MED16: variants seen among roughly 807,000 people sequenced by gnomAD.
The protein encoded by MED16 is mediator of RNA polymerase II transcription subunit 16.
In MED16, 81 loss-of-function variants were observed where a neutral mutation model predicts 84.4. That is an observed-to-expected ratio of 0.96 (90% CI 0.80 to 1.15). The LOEUF is 1.15. MED16 is among the 50% of genes most tolerant of loss of function. The pLI, the probability that MED16 is intolerant of heterozygous loss-of-function variation, is 0.00. For missense variants in MED16, 1,585 were observed against 1,245.9 expected, an observed-to-expected ratio of 1.27 and a Z score of -4.10; for synonymous variants, 897 against 552.2, an observed-to-expected ratio of 1.62 and a Z score of -8.76.
rs541275854 is a variant in MED16 at position 868,737 on chromosome 19, C to T, written c.2399+126G>A. The T allele has an allele frequency of 4.7e-4, 540 of 1,157,208 alleles. 11 individuals carry two copies. In the South Asian group the frequency reaches 7.6e-3, roughly 16 times the overall value. 71.7% of individuals were successfully genotyped at this position (1,157,208 alleles called of 1,614,324 possible). On this transcript the variant is annotated intron_variant, in intron 14 of 15. Coordinates refer to ENST00000325464, the MANE Select transcript of MED16 (RefSeq NM_005481.3). The stretch of plus-strand genomic sequence containing the variant: ...CCACATCCTGGGATCCTGGCTCCAA[C>T]ACTCCCTCTGGGACGTGCTCCCTCC...
At chr19:869,699 GGGCCTT>G (rs1458794735) in intron 13 of MED16, among the ~76,000 whole-genome samples, 2 of 152,268 alleles carry the variant, frequency 1.3e-5, no homozygotes, top group East Asian at 3.9e-4. Context: ...AGCCGAGCCG[GGGCCTT>G]CCCCGGAGCA....
Position 885,728 on chromosome 19 carries a change from T to C in MED16, c.879+42A>G. 3 of 1,587,362 alleles carry C rather than the reference T, an allele frequency of 1.9e-6. No homozygotes were observed. In the African/African-American group the frequency reaches 4.0e-5, roughly 21 times the overall value. On this transcript the variant is annotated intron_variant, in intron 5 of 15. Transcript: ENST00000325464. Reference sequence around the variant, plus strand: ...CAGGACCCTGAGAAGCAGTGCTTCATTCCAAGCCTGCCAGCCCACGTGATG... The same window carrying C: ...CAGGACCCTGAGAAGCAGTGCTTCACTCCAAGCCTGCCAGCCCACGTGATG...
At chr19:891,303 C>G (rs528497711) in intron 1 of MED16, among the ~76,000 whole-genome samples, 154 bp from the exon 2 acceptor site, 2 of 152,212 alleles carry the variant, frequency 1.3e-5, no homozygotes, top group South Asian at 4.1e-4. Flanking sequence ...GGGCTGGGGC[C>G]GAGGGGGAAC....
At chr19:888,807 G>T (rs944153690) in intron 4 of MED16, among the ~76,000 whole-genome samples, 25 of 152,174 alleles carry the variant, frequency 1.6e-4, no homozygotes, top group Admixed American at 1.6e-3. Flanking sequence ...CCCTGGGGAG[G>T]GACTCACGAA....
intron 2 of MED16, chr19:890,529 C>T (rs979164104): frequency 2.6e-6 from 1 of 386,052 alleles, no homozygotes; most frequent in Non-Finnish European, 4.7e-6. Context: ...GGCTTTTTTG[C>T]ACCCCGATTT....
rs148428449 is a variant in MED16 at position 871,953 on chromosome 19, G to A, written c.2071C>T (p.Arg691Cys). 129 of 1,603,962 alleles carry A rather than the reference G, an allele frequency of 8.0e-5. No individual in the cohort carries two copies. Among genetic ancestry groups the A allele is most frequent in the African/African-American group, 3.4e-4 (25 of 72,854 alleles). The change falls in exon 12 of 16, where the codon CGC becomes TGC. Residue 691 changes from arginine (R) to cysteine (C), a missense_variant. Arg to Cys is a radical substitution (Grantham distance 180). Coordinates refer to ENST00000325464, the MANE Select transcript of MED16 (RefSeq NM_005481.3). ...CAGATCCAGAGCTTGGTGAGCAGGC[G>A]GAAGAGCAGGGACATGCTGTCCTGG... ...DTQDSMSLLF[R>C]LLTKLWICCR... is the part of the protein sequence containing the mutation.
Position 890,207 on chromosome 19 carries a change from G to A in MED16, c.207C>T (p.His69=). The change falls in exon 3 of 16, where the codon CAC becomes CAT. Residue 69 remains histidine (H), a synonymous_variant. Transcript: ENST00000325464. ...TRMIHILDTE[H]PWDLHSIPSE... ...AGGGGATCGAGTGCAGGTCCCAGGG[G>A]TGCTCCGTGTCCAGGATGTGGATCA... 1 of 1,554,704 alleles carries A rather than the reference G, an allele frequency of 6.4e-7. No individual in the cohort carries two copies. The highest frequency in any genetic ancestry group is 8.7e-7 in the Non-Finnish European group (1 of 1,149,088).
At chr19:876,869 C>T (rs2036246211) in intron 9 of MED16, 105 bp downstream of exon 9, 6 of 1,171,924 alleles carry the variant, frequency 5.1e-6, no homozygotes, top group Non-Finnish European at 7.0e-6. Flanking sequence ...ACGGGACCAC[C>T]TGCCACGGGG....
intron 2 of MED16, among the ~76,000 whole-genome samples, chr19:890,583 G>T (rs763108511): frequency 6.6e-6 from 1 of 152,182 alleles, no homozygotes; most frequent in Non-Finnish European, 1.5e-5. Flanking sequence ...TAATGACCAC[G>T]TATTATGAGT....
chr19:872,527 AAAG>A (rs1368734818), intron 11 of MED16, among the ~76,000 whole-genome samples: 3 of 151,922 alleles, frequency 2.0e-5, no homozygotes, highest in Admixed American at 2.0e-4. Flanking sequence ...AGCCCCACAA[AAAG>A]AAGAGAGGGA....
intron 2 of MED16, 106 bp downstream of exon 2, chr19:890,857 G>T: frequency 8.1e-7 from 1 of 1,237,290 alleles, no homozygotes; most frequent in Non-Finnish European, 1.1e-6. Context: ...GTGAGTGAGA[G>T]GTGGCCTGAG....
chr19:892,971 C>T (rs952578672), intron 1 of MED16, 115 bp downstream of exon 1: 1 of 151,704 alleles, frequency 6.6e-6, no homozygotes, highest in East Asian at 2.0e-4. Context: ...CCTTTGCTCC[C>T]GGCCACGCCC....
chr19:877,364 C>T (rs918437234), intron 8 of MED16, among the ~76,000 whole-genome samples, 184 bp from the exon 9 acceptor site: 18 of 152,260 alleles, frequency 1.2e-4, no homozygotes, highest in African/African-American at 3.9e-4. Flanking sequence ...ATGCACAATG[C>T]CTCTGGGAAC....
chr19:883,202 G>A (rs999409344), intron 6 of MED16, among the ~76,000 whole-genome samples: 2 of 152,046 alleles, frequency 1.3e-5, no homozygotes, highest in Admixed American at 6.5e-5. Flanking sequence ...GGGGCAGTGG[G>A]TGAAGAGCTG....
rs192338814 is a variant in MED16 at position 876,707 on chromosome 19, C to G, written c.1560+267G>C. 2.1e-3 allele frequency among the ~76,000 whole-genome samples: 314 copies of G among 152,232 alleles called. 1 individual carries two copies. Among genetic ancestry groups the G allele is most frequent in the African/African-American group, 7.4e-3 (307 of 41,536 alleles). On this transcript the variant is annotated intron_variant, in intron 9 of 15. Transcript: ENST00000325464. ...GAGCCCCCAACCTGCCGCAGGGAAA[C>G]CCCTCCAGCTGCCACAACCCCCACA...
In MED16 at chr19:868,966, C is replaced by T. The variant is rs1256930996; in HGVS notation, c.2316-20G>A. 1.2e-5 allele frequency: 19 copies of T among 1,526,452 alleles called. No individual in the cohort carries two copies. Among genetic ancestry groups the T allele is most frequent in the Middle Eastern group, 4.2e-4 (2 of 4,788 alleles). The allele number at this position is 1,526,452 out of a possible 1,614,324, so 94.6% of individuals were successfully genotyped here. A position where few individuals can be genotyped will look rare whatever the true frequency, so the allele number is the denominator to read the frequency against. ...GGGGCCCTGGCGGGAGAGGGGAGAA[C>T]GTGAGGGAGGCCTGGGCACCACGAG... On this transcript the variant is annotated intron_variant, in intron 13 of 15. Coordinates refer to ENST00000325464, the MANE Select transcript of MED16 (RefSeq NM_005481.3).
chr19:879,714 G>A (rs2036368859), intron 8 of MED16, among the ~76,000 whole-genome samples: 3 of 102,702 alleles, frequency 2.9e-5, no homozygotes, highest in African/African-American at 1.2e-4. Context: ...CCTTCCCCTG[G>A]TTGTCAATGC....
At chr19:868,790 GT>G (rs2035977400) in intron 14 of MED16, 72 bp downstream of exon 14, 1 of 1,465,332 alleles carries the variant, frequency 6.8e-7, no homozygotes, top group Non-Finnish European at 9.2e-7. Context: ...GGAGCGCTGG[GT>G]GGGGGCTAGA....
chr19:873,242 A>AG lies in MED16; in HGVS notation c.1905+206dup, dbSNP rs946279848. ...AGACTCAGGAAGTGGGACTCCAAGTAGGGGTGGGACTCCAACCAGGGGCGG... is the reference window on the plus strand; with the variant it reads ...AGACTCAGGAAGTGGGACTCCAAGTAGGGGGTGGGACTCCAACCAGGGGCGG... On this transcript the variant is annotated intron_variant, in intron 11 of 15. Transcript: ENST00000325464. 1.2e-4 allele frequency among the ~76,000 whole-genome samples: 12 copies of AG among 97,928 alleles called. No individual in the cohort carries two copies. In the Admixed American group the frequency reaches 1.5e-3, roughly 13 times the overall value. The allele number at this position is 97,928 out of a possible 152,430, so 64.2% of individuals were successfully genotyped here. A position where few individuals can be genotyped will look rare whatever the true frequency, so the allele number is the denominator to read the frequency against.
Sources: allele counts gnomAD v4.1 joint callset (sites outside exome capture counted in the v4.1 genomes callset), GRCh38; gene constraint gnomAD v4.1.1; transcripts MANE v1.5; gene names NCBI Gene and HGNC (gene_info 2026-07-23, HGNC 2026-07-21).